The following PRRC2B variants were observed in gnomAD, a reference collection of about 807,000 sequenced individuals.
PRRC2B encodes the protein proline rich coiled-coil 2B, also known as protein PRRC2B.
Under a neutral mutation model 242.3 loss-of-function variants are expected in PRRC2B, and 68 were observed. That is an observed-to-expected ratio of 0.28 (90% confidence interval 0.23 to 0.34). The LOEUF is 0.34. PRRC2B is among the 10% of genes least tolerant of loss of function. The pLI is 1.00. For missense variants in PRRC2B, 2,835 were observed against 2,954.8 expected, an observed-to-expected ratio of 0.96 and a Z score of 0.94; for synonymous variants, 1,228 against 1,173.6, an observed-to-expected ratio of 1.05 and a Z score of -0.95.
chr9:131,473,889 TG>T (rs762931615), intron 15 of PRRC2B, among the ~76,000 whole-genome samples, 165 bp downstream of exon 15: 2 of 152,194 alleles, frequency 1.3e-5, no homozygotes, highest in Admixed American at 6.5e-5. Flanking sequence ...TGAGGAGGAT[TG>T]CTTGAATGCT....
intron 1 of PRRC2B, among the ~76,000 whole-genome samples, chr9:131,427,357 G>A (rs1838004564): frequency 6.6e-6 from 1 of 151,982 alleles, no homozygotes; most frequent in South Asian, 2.1e-4. Flanking sequence ...TTTTGATGGA[G>A]TCTTGCTCTG....
At chr9:131,465,711 C>G (rs1426899058) in intron 12 of PRRC2B, among the ~76,000 whole-genome samples, 1 of 152,152 alleles carries the variant, frequency 6.6e-6, no homozygotes, top group Non-Finnish European at 1.5e-5. Flanking sequence ...GGTGTTGATT[C>G]TAAAAGGAAT....
chr9:131,375,138 C>T (rs1412147553), intron 1 of PRRC2B, among the ~76,000 whole-genome samples: 1 of 152,172 alleles, frequency 6.6e-6, no homozygotes, highest in African/African-American at 2.4e-5. Context: ...TGCTGTGGCT[C>T]ACGCCTGTAA....
chr9:131,465,282 C>G (rs1292315080), intron 12 of PRRC2B, among the ~76,000 whole-genome samples: 1 of 152,142 alleles, frequency 6.6e-6, no homozygotes, highest in Non-Finnish European at 1.5e-5. Flanking sequence ...ATAATTTCAA[C>G]TTTTACTTTA....
intron 1 of PRRC2B, among the ~76,000 whole-genome samples, chr9:131,395,713 T>C (rs1444262344): frequency 6.6e-6 from 1 of 152,152 alleles, no homozygotes; most frequent in Non-Finnish European, 1.5e-5. Flanking sequence ...GGTGCTGGCC[T>C]AAGGCATGGA....
intron 1 of PRRC2B, among the ~76,000 whole-genome samples, chr9:131,410,534 C>T (rs1246429425): frequency 6.6e-6 from 1 of 152,218 alleles, no homozygotes; most frequent in Non-Finnish European, 1.5e-5. Flanking sequence ...CCAAGTAAGT[C>T]TGGATGTCAC....
intron 2 of PRRC2B, among the ~76,000 whole-genome samples, chr9:131,430,500 TATAGATATCTATAGATAG>T (rs1226600374): frequency 1.2e-4 from 7 of 57,494 alleles, no homozygotes; most frequent in Non-Finnish European, 2.4e-4. Context: ...GAGATATATC[TATAGATATCTATAGATAG>T]ATAGATAGAT....
Position 131,482,293 on chromosome 9 carries a change from C to T in PRRC2B, c.4984-78C>T. On this transcript the variant is annotated intron_variant, in intron 20 of 31. Coordinates refer to ENST00000683519, the MANE Select transcript of PRRC2B (RefSeq NM_013318.4). The surrounding 1 kb of genome is among the most constrained non-coding windows in gnomAD (Gnocchi z 5.2). Reference sequence around the variant, plus strand: ...ACAGGCAGCTGGGGTAGAAAAGTCTCTGTGCCACATGCAGTTTTACTCTCT... The same window carrying T: ...ACAGGCAGCTGGGGTAGAAAAGTCTTTGTGCCACATGCAGTTTTACTCTCT... The T allele has an allele frequency of 6.9e-7, 1 of 1,451,872 alleles. No individual in the cohort carries two copies. The highest frequency in any genetic ancestry group is 1.8e-4 in the Middle Eastern group (1 of 5,414). 89.9% of individuals were successfully genotyped at this position (1,451,872 alleles called of 1,614,324 possible). A position where few individuals can be genotyped will look rare whatever the true frequency, so the allele number is the denominator to read the frequency against.
chr9:131,450,484 CT>C (rs1469792258), intron 9 of PRRC2B, among the ~76,000 whole-genome samples: 2 of 152,074 alleles, frequency 1.3e-5, no homozygotes, highest in African/African-American at 4.8e-5. Flanking sequence ...CCAGGCTGGT[CT>C]CGAACTCCTG....
intron 1 of PRRC2B, among the ~76,000 whole-genome samples, chr9:131,411,336 GTTTTGTTTTTTGTTTTGT>G (rs1469766362): frequency 8.0e-6 from 1 of 124,838 alleles, no homozygotes; most frequent in Non-Finnish European, 1.6e-5. Flanking sequence ...TTTTTGTTTT[GTTTTGTTTTTTGTTTTGT>G]TTTTTTTTTT....
intron 1 of PRRC2B, among the ~76,000 whole-genome samples, chr9:131,402,035 A>G (rs1837239776): frequency 6.6e-6 from 1 of 151,210 alleles, no homozygotes; most frequent in Non-Finnish European, 1.5e-5. Flanking sequence ...CAATGGCACG[A>G]TCTCGGCTCA....
chr9:131,478,401 G>T (rs891397675), intron 17 of PRRC2B, 73 bp from the exon 18 acceptor site: 1 of 1,417,496 alleles, frequency 7.1e-7, no homozygotes, highest in Admixed American at 1.8e-5. Context: ...GATCTCAGGC[G>T]CCTGTTGAAT....
chr9:131,462,733 G>T (rs1476509485), intron 11 of PRRC2B, among the ~76,000 whole-genome samples: 1 of 150,070 alleles, frequency 6.7e-6, no homozygotes. Context: ...AGCTACTCAG[G>T]AGGCTGAGGC....
At chr9:131,404,829 AT>A (rs2131288795) in intron 1 of PRRC2B, among the ~76,000 whole-genome samples, 1 of 152,346 alleles carries the variant, frequency 6.6e-6, no homozygotes, top group East Asian at 1.9e-4. Context: ...CATTTGGGCT[AT>A]TTGTAGTTTT....
chr9:131,413,326 G>A (rs1251061346), intron 1 of PRRC2B, among the ~76,000 whole-genome samples: 1 of 152,192 alleles, frequency 6.6e-6, no homozygotes, highest in Non-Finnish European at 1.5e-5. Context: ...TCCTGTTCCA[G>A]CCAATGGAAA....
Position 131,429,784 on chromosome 9 carries a change from T to G in PRRC2B, c.-51-310T>G, listed in dbSNP as rs77320498. Among the ~76,000 whole-genome samples, 124 of 152,250 alleles carry G rather than the reference T, an allele frequency of 8.1e-4. 2 individuals are homozygous for G. In the East Asian group the frequency reaches 0.024, roughly 29 times the overall value. ...GGAGAGGGCTCTGTTGAAGTTTACA[T>G]GTCAGTGTGGTTGGTGTGCAGTAGA... On this transcript the variant is annotated intron_variant, in intron 1 of 31. Coordinates refer to ENST00000683519, the MANE Select transcript of PRRC2B (RefSeq NM_013318.4).
At chr9:131,397,190 G>C (rs998853299) in intron 1 of PRRC2B, among the ~76,000 whole-genome samples, 5 of 152,322 alleles carry the variant, frequency 3.3e-5, no homozygotes, top group African/African-American at 1.2e-4. Context: ...GATAGTCGCT[G>C]CCTCTCCCAT....
rs1250387069 is a variant in PRRC2B at position 131,429,056 on chromosome 9, C to T, written c.-51-1038C>T. 2.6e-5 allele frequency among the ~76,000 whole-genome samples: 4 copies of T among 152,316 alleles called. No homozygotes were observed. In the East Asian group the frequency reaches 7.7e-4, roughly 29 times the overall value. On this transcript the variant is annotated intron_variant, in intron 1 of 31. Transcript: ENST00000683519. ...CTGCAGCCCAGGTTCAAGCAATTCTCCTGCCTCATCCTCCTCAGTAGCTGG... is the reference window on the plus strand; with the variant it reads ...CTGCAGCCCAGGTTCAAGCAATTCTTCTGCCTCATCCTCCTCAGTAGCTGG...
intron 10 of PRRC2B, among the ~76,000 whole-genome samples, chr9:131,456,562 C>A (rs2994067): frequency 0.75 from 114,195 of 151,446 alleles, 43,834 homozygotes; most frequent in East Asian, 0.93. Context: ...ACCCGGGAGG[C>A]GGAGCTTGCA....
Sources: gnomAD v4.1 joint callset for allele counts (sites outside exome capture counted in the v4.1 genomes callset) on GRCh38, gnomAD v4.1.1 for gene constraint, Gnocchi (gnomAD v3.1) non-coding constraint, MANE v1.5 for transcripts, NCBI Gene and HGNC (gene_info 2026-07-23, HGNC 2026-07-21) for gene names.